The following CACNA2D3 variants were observed in gnomAD, a reference collection of about 807,000 sequenced individuals.
CACNA2D3 encodes calcium voltage-gated channel auxiliary subunit alpha2delta 3, also known as voltage-dependent calcium channel subunit alpha-2/delta-3.
Under a neutral mutation model 160.6 loss-of-function variants are expected in CACNA2D3, and 60 were observed. The observed-to-expected ratio is 0.37, with a 90% CI of 0.30 to 0.46. The LOEUF is 0.46. Among genes scored for constraint, CACNA2D3 ranks in the 20% least tolerant of loss-of-function variants. The pLI is 1.00. For synonymous variants in CACNA2D3, 558 were observed against 492.9 expected, an observed-to-expected ratio of 1.13 and a Z score of -1.75; for missense variants, 1,205 against 1,365.0, an observed-to-expected ratio of 0.88 and a Z score of 1.85.
rs141370895 is a variant in CACNA2D3 at position 55,065,401 on chromosome 3, T to C, written c.2988-8044T>C. Among the ~76,000 whole-genome samples, 246 of 152,300 alleles carry C rather than the reference T, an allele frequency of 1.6e-3. 6 individuals are homozygous for C. Among genetic ancestry groups the C allele is most frequent in the Middle Eastern group, 0.01 (3 of 294 alleles). On this transcript the variant is annotated intron_variant, in intron 35 of 37. Transcript: ENST00000474759. ...CCAACCCCCTACTCCCACTCCAAGC[T>C]TATTTGGCTTAGAAAACGGGCCTGC...
intron 11 of CACNA2D3, among the ~76,000 whole-genome samples, chr3:54,731,741 C>G (rs1433131676): frequency 6.6e-6 from 1 of 152,028 alleles, no homozygotes; most frequent in African/African-American, 2.4e-5. Flanking sequence ...ACCCAGGATT[C>G]TGTAACTATG....
chr3:54,876,787 G>A (rs1699671426), intron 18 of CACNA2D3, among the ~76,000 whole-genome samples: 1 of 152,162 alleles, frequency 6.6e-6, no homozygotes, highest in Non-Finnish European at 1.5e-5. Flanking sequence ...CACAGTAAGA[G>A]CTCAGTAAGA....
chr3:54,587,042 A>G (rs1411695970), intron 9 of CACNA2D3, among the ~76,000 whole-genome samples: 3 of 152,108 alleles, frequency 2.0e-5, no homozygotes, highest in Non-Finnish European at 2.9e-5. Flanking sequence ...AATTTATAGC[A>G]CTATATACTT....
intron 2 of CACNA2D3, among the ~76,000 whole-genome samples, chr3:54,226,312 C>CTTTTTTTT (rs10677482): frequency 1.9e-5 from 2 of 106,882 alleles, no homozygotes; most frequent in African/African-American, 3.8e-5. Flanking sequence ...GCCCCTGATG[C>CTTTTTTTT]TTTTTTTTTT....
chr3:54,540,313 C>T (rs1232374995), intron 5 of CACNA2D3, among the ~76,000 whole-genome samples: 1 of 152,166 alleles, frequency 6.6e-6, no homozygotes, highest in Non-Finnish European at 1.5e-5. Flanking sequence ...AAATGTTGAC[C>T]TCAAGTAAGA....
intron 10 of CACNA2D3, among the ~76,000 whole-genome samples, chr3:54,633,895 A>T (rs1337764353): frequency 6.6e-6 from 1 of 152,218 alleles, no homozygotes; most frequent in Non-Finnish European, 1.5e-5. Flanking sequence ...TCCCAGGCAC[A>T]CAGCTGTGTT....
At chr3:54,727,823 G>C (rs1223306199) in intron 11 of CACNA2D3, among the ~76,000 whole-genome samples, 2 of 151,986 alleles carry the variant, frequency 1.3e-5, no homozygotes, top group Non-Finnish European at 2.9e-5. Flanking sequence ...CGGGTTGATG[G>C]GTGTAGCAAA....
chr3:54,920,474 C>A (rs1445407372), intron 27 of CACNA2D3, among the ~76,000 whole-genome samples: 1 of 152,110 alleles, frequency 6.6e-6, no homozygotes, highest in East Asian at 1.9e-4. Flanking sequence ...CAGTCCTCAC[C>A]CTAAAGCAGA....
chr3:54,593,009 A>G (rs575498766), intron 9 of CACNA2D3, among the ~76,000 whole-genome samples: 13 of 152,356 alleles, frequency 8.5e-5, no homozygotes, highest in Admixed American at 2.6e-4. Context: ...AATCATAAGC[A>G]GAAAGTAGCC....
intron 2 of CACNA2D3, among the ~76,000 whole-genome samples, chr3:54,221,164 A>G (rs760393314): frequency 6.6e-6 from 1 of 152,162 alleles, no homozygotes; most frequent in Admixed American, 6.5e-5. Flanking sequence ...ATTAGCACCC[A>G]CCTGTGGCAG....
chr3:54,223,786 A>T (rs542672358), intron 2 of CACNA2D3, among the ~76,000 whole-genome samples: 3 of 145,922 alleles, frequency 2.1e-5, no homozygotes, highest in East Asian at 2.1e-4. Context: ...CGGGAGGTGG[A>T]GGTTGCAGTG....
chr3:54,632,129 C>T (rs1399232473), intron 10 of CACNA2D3: 2 of 152,202 alleles, frequency 1.3e-5, no homozygotes, highest in South Asian at 2.1e-4. Context: ...AGATATTACT[C>T]ATCAAACCAT....
chr3:54,423,286 A>C (rs934509201), intron 4 of CACNA2D3, among the ~76,000 whole-genome samples: 3 of 152,182 alleles, frequency 2.0e-5, no homozygotes, highest in Non-Finnish European at 4.4e-5. Context: ...TGAATTTAAA[A>C]CATTTTTAAG....
chr3:54,883,315 C>T (rs1283937144), intron 21 of CACNA2D3, among the ~76,000 whole-genome samples: 13 of 152,168 alleles, frequency 8.5e-5, no homozygotes. Context: ...AGCCACCGCG[C>T]CTGGCCACTT....
At chr3:54,947,996 G>C (rs17054592) in intron 27 of CACNA2D3, among the ~76,000 whole-genome samples, 23,355 of 152,206 alleles carry the variant, frequency 0.15, 1,965 homozygotes, top group African/African-American at 0.22. Context: ...TGGAACCACA[G>C]ATGGGGGAGA....
At position 54,399,867 on chromosome 3, in the gene CACNA2D3, G is replaced by A. The variant is rs1699415743; in HGVS notation, c.381+13093G>A. Among the ~76,000 whole-genome samples the A allele has an allele frequency of 1.6e-5, 2 of 125,810 alleles. 1 individual carries two copies. The highest frequency in any genetic ancestry group is 3.4e-5 in the Non-Finnish European group (2 of 59,134). The allele number at this position is 125,810 out of a possible 152,430, so 82.5% of individuals were successfully genotyped here. On this transcript the variant is annotated intron_variant, in intron 4 of 37. Transcript: ENST00000474759. The stretch of plus-strand genomic sequence containing the variant: ...CCACCCAGTTCGAGCTTCCCAGCAA[G>A]CCTGGGCAATGGCGGGCGCCCCTCC...
intron 4 of CACNA2D3, among the ~76,000 whole-genome samples, chr3:54,461,901 G>A (rs559510796): frequency 6.6e-6 from 1 of 152,106 alleles, no homozygotes; most frequent in Non-Finnish European, 1.5e-5. Context: ...CCTGCTTTCT[G>A]TTGTGGGCAT....
intron 4 of CACNA2D3, among the ~76,000 whole-genome samples, chr3:54,431,669 A>G (rs1699992752): frequency 6.6e-6 from 1 of 152,100 alleles, no homozygotes; most frequent in Non-Finnish European, 1.5e-5. Flanking sequence ...CTGGAGTGCA[A>G]TGGCGTGATC....
In CACNA2D3 at chr3:54,250,960, G is replaced by A. The variant is rs776794175; in HGVS notation, c.205-69482G>A. Among the ~76,000 whole-genome samples, 18 of 152,196 alleles carry A rather than the reference G, an allele frequency of 1.2e-4. 1 individual carries two copies. The highest frequency in any genetic ancestry group is 8.5e-4 in the Admixed American group (13 of 15,274). On this transcript the variant is annotated intron_variant, in intron 2 of 37. Transcript: ENST00000474759. ...TAATTTGAAGGCCAATGACAGGAAG[G>A]AGTAAAGATCTGAGTAAAGAGCATT...
Sources: allele counts gnomAD v4.1 joint callset (sites outside exome capture counted in the v4.1 genomes callset), GRCh38; gene constraint gnomAD v4.1.1; transcripts MANE v1.5; gene names NCBI Gene and HGNC (gene_info 2026-07-23, HGNC 2026-07-21).